The following SEMA5A variants were observed in gnomAD, a reference collection of about 807,000 sequenced individuals.
SEMA5A encodes the protein semaphorin-5A.
SEMA5A carries 55 observed loss-of-function variants against 135.5 expected under a neutral mutation model. The observed-to-expected ratio is 0.41, with a 90% CI of 0.33 to 0.51. The LOEUF (loss-of-function observed/expected upper bound fraction) is 0.51. SEMA5A is among the 20% of genes least tolerant of loss of function. SEMA5A has a pLI of 0.37. For synonymous variants in SEMA5A, 580 were observed against 546.5 expected (o/e 1.06, Z -0.85); for missense variants, 1,290 against 1,419.9 (o/e 0.91, Z 1.47).
chr5:9,188,730 G>T (rs911478244), intron 11 of SEMA5A, among the ~76,000 whole-genome samples: 5 of 100,468 alleles, frequency 5.0e-5, no homozygotes, highest in African/African-American at 2.5e-4. Context: ...CGGGTACCCT[G>T]GGGAAAATTA....
intron 6 of SEMA5A, among the ~76,000 whole-genome samples, chr5:9,236,926 G>T (rs939824840): frequency 6.6e-6 from 1 of 152,078 alleles, no homozygotes; most frequent in African/African-American, 2.4e-5. Context: ...GTAAAAAAAA[G>T]GTACATAACA....
At chr5:9,335,426 T>C (rs1753345777) in intron 4 of SEMA5A, among the ~76,000 whole-genome samples, 1 of 152,138 alleles carries the variant, frequency 6.6e-6, no homozygotes, top group Non-Finnish European at 1.5e-5. Context: ...CTTAGGAAAA[T>C]CTTGAGTCAC....
At chr5:9,449,779 C>T (rs574014858) in intron 1 of SEMA5A, among the ~76,000 whole-genome samples, 2 of 152,270 alleles carry the variant, frequency 1.3e-5, no homozygotes, top group South Asian at 2.1e-4. Context: ...ACCACACACA[C>T]AGAAGGTGCC....
chr5:9,116,043 G>T (rs1740493821), intron 15 of SEMA5A, among the ~76,000 whole-genome samples: 1 of 152,200 alleles, frequency 6.6e-6, no homozygotes, highest in Admixed American at 6.5e-5. Context: ...GAGGTCTGCA[G>T]TTTGACAGCC....
intron 1 of SEMA5A, among the ~76,000 whole-genome samples, chr5:9,500,738 C>T (rs1735552159): frequency 6.6e-6 from 1 of 152,160 alleles, no homozygotes; most frequent in African/African-American, 2.4e-5. Context: ...ATTCTGGCAA[C>T]CCCACATGCA....
chr5:9,311,457 A>T (rs1752128389), intron 5 of SEMA5A, among the ~76,000 whole-genome samples: 1 of 151,996 alleles, frequency 6.6e-6, no homozygotes, highest in Admixed American at 6.6e-5. Context: ...CATGGATGAA[A>T]TTGGAAATCA....
chr5:9,150,239 C>G (rs569005264), intron 12 of SEMA5A, among the ~76,000 whole-genome samples: 1 of 152,210 alleles, frequency 6.6e-6, no homozygotes, highest in South Asian at 2.1e-4. Context: ...CCCTGTTACT[C>G]ATGGTACTCA....
intron 13 of SEMA5A, among the ~76,000 whole-genome samples, chr5:9,129,989 T>G (rs1035141227): frequency 1.1e-4 from 16 of 152,160 alleles, no homozygotes; most frequent in African/African-American, 3.9e-4. Flanking sequence ...CCTTCTTTGG[T>G]GAGACTCTCA....
chr5:9,236,554 A>AG (rs761179113), intron 6 of SEMA5A, among the ~76,000 whole-genome samples: 15 of 152,226 alleles, frequency 9.9e-5, no homozygotes, highest in Non-Finnish European at 1.8e-4. Flanking sequence ...AGAAGGTTAT[A>AG]GGGGTCCCCG....
intron 12 of SEMA5A, among the ~76,000 whole-genome samples, chr5:9,145,315 G>C (rs981408905): frequency 1.1e-4 from 16 of 152,142 alleles, no homozygotes; most frequent in African/African-American, 3.9e-4. Context: ...TGAGAAATAA[G>C]ATACAAAGAC....
Position 9,444,123 on chromosome 5 carries a change from T to C in SEMA5A, c.-174-6271A>G, listed in dbSNP as rs1002786370. ...TGAAAAATGATGTAATTTTTAAAGA[T>C]AGATCTCTGGATTTGTTCAATATCA... On this transcript the variant is annotated intron_variant, in intron 1 of 22. Transcript: ENST00000382496. Among the ~76,000 whole-genome samples, 7 of 152,234 alleles carry C rather than the reference T, an allele frequency of 4.6e-5. No individual in the cohort carries two copies. The South Asian group carries it at 8.3e-4, about 18-fold the overall frequency.
intron 1 of SEMA5A, among the ~76,000 whole-genome samples, chr5:9,506,126 A>G (rs970066954): frequency 1.3e-5 from 2 of 152,236 alleles, no homozygotes; most frequent in East Asian, 1.9e-4. Context: ...TTTTAGAATC[A>G]TTAGAAGACT....
intron 18 of SEMA5A, among the ~76,000 whole-genome samples, chr5:9,062,492 G>T (rs1012792619): frequency 6.6e-6 from 1 of 152,064 alleles, no homozygotes; most frequent in African/African-American, 2.4e-5. Flanking sequence ...TTGAGACAAG[G>T]TCTCGCTCTG....
At chr5:9,287,495 CA>C (rs1421648296) in intron 5 of SEMA5A, among the ~76,000 whole-genome samples, 3 of 151,936 alleles carry the variant, frequency 2.0e-5, no homozygotes, top group Non-Finnish European at 4.4e-5. Flanking sequence ...ATTTAAATGT[CA>C]AAAATATTTT....
At chr5:9,492,520 T>C (rs76984932) in intron 1 of SEMA5A, among the ~76,000 whole-genome samples, 61 of 152,298 alleles carry the variant, frequency 4.0e-4, no homozygotes, top group African/African-American at 1.5e-3. Flanking sequence ...AGTTAACACA[T>C]TGATCCTGGA....
In SEMA5A at chr5:9,527,697, C is replaced by T. The variant is rs182752191; in HGVS notation, c.-175+17887G>A. 2.5e-3 allele frequency among the ~76,000 whole-genome samples: 379 copies of T among 152,326 alleles called. 1 individual carries two copies. Among genetic ancestry groups the T allele is most frequent in the Non-Finnish European group, 4.1e-3 (278 of 68,026 alleles). ...GGAACAGGCAATTTACATGCATTAA[C>T]AATTTCTAATGTTGGCAAAACCCCT... On this transcript the variant is annotated intron_variant, in intron 1 of 22. Transcript: ENST00000382496.
intron 8 of SEMA5A, among the ~76,000 whole-genome samples, chr5:9,222,578 C>A (rs774389822): frequency 6.6e-6 from 1 of 152,098 alleles, no homozygotes; most frequent in African/African-American, 2.4e-5. Context: ...GTAGAGCCAC[C>A]GTATTGACCT....
At chr5:9,192,571 T>C (rs1278289352) in intron 10 of SEMA5A, among the ~76,000 whole-genome samples, 1 of 44,660 alleles carries the variant, frequency 2.2e-5, no homozygotes, top group Non-Finnish European at 4.6e-5. Flanking sequence ...CACAAGTAGT[T>C]GTAATTGGGG....
At chr5:9,169,357 A>C (rs1743786933) in intron 11 of SEMA5A, among the ~76,000 whole-genome samples, 1 of 152,188 alleles carries the variant, frequency 6.6e-6, no homozygotes, top group Admixed American at 6.5e-5. Flanking sequence ...TATATCTTGA[A>C]TCTCACACAG....
Sources: allele counts gnomAD v4.1 joint callset (sites outside exome capture counted in the v4.1 genomes callset), GRCh38; gene constraint gnomAD v4.1.1; transcripts MANE v1.5; gene names NCBI Gene and HGNC (gene_info 2026-07-23, HGNC 2026-07-21).